Variants in FAM76A observed in about 807,000 individuals in gnomAD.
FAM76A encodes the protein protein FAM76A.
A neutral mutation model predicts 46.2 loss-of-function variants in FAM76A; 32 were observed. That is an observed-to-expected ratio of 0.69 (90% CI 0.52 to 0.93). The LOEUF (loss-of-function observed/expected upper bound fraction) is 0.93. Ranked by LOEUF, FAM76A falls within the 40% of genes least tolerant of loss-of-function variation. FAM76A has a pLI of 0.00. For missense variants in FAM76A, 274 were observed against 361.5 expected, an observed-to-expected ratio of 0.76 and a Z score of 1.96; for synonymous variants, 137 against 127.0, an observed-to-expected ratio of 1.08 and a Z score of -0.53.
intron 2 of FAM76A, among the ~76,000 whole-genome samples, chr1:27,728,838 C>T (rs2087905931): frequency 6.6e-6 from 1 of 152,040 alleles, no homozygotes; most frequent in Admixed American, 6.6e-5. Flanking sequence ...GTGGCACACA[C>T]CTGTAGTCCC....
intron 8 of FAM76A, 81 bp downstream of exon 8, chr1:27,759,708 C>A: frequency 2.2e-6 from 2 of 890,484 alleles, no homozygotes; most frequent in Non-Finnish European, 3.5e-6. Flanking sequence ...AAGTGATCAT[C>A]TCTTAGATTT....
At chr1:27,733,071 T>C (rs577677016) in intron 3 of FAM76A, among the ~76,000 whole-genome samples, 1 of 152,176 alleles carries the variant, frequency 6.6e-6, no homozygotes, top group African/African-American at 2.4e-5. Flanking sequence ...TAGCTGGGAC[T>C]ACAGGCACAT....
At chr1:27,742,887 C>T (rs1349573606) in intron 4 of FAM76A, among the ~76,000 whole-genome samples, 1 of 151,854 alleles carries the variant, frequency 6.6e-6, no homozygotes, top group South Asian at 2.1e-4. Context: ...GGTGAAACTC[C>T]GTCTCTACTA....
intron 4 of FAM76A, chr1:27,740,374 A>G: frequency 1.7e-6 from 2 of 1,208,756 alleles, no homozygotes; most frequent in Non-Finnish European, 2.4e-6. Context: ...ATCACAGTGG[A>G]ACCTGGGTTT....
At chr1:27,733,165 C>T (rs1048043361) in intron 3 of FAM76A, among the ~76,000 whole-genome samples, 1 of 152,186 alleles carries the variant, frequency 6.6e-6, no homozygotes, top group African/African-American at 2.4e-5. Flanking sequence ...CTCCTGAACT[C>T]AAGTGATCTG....
chr1:27,732,940 G>GTT (rs896245252), intron 3 of FAM76A, among the ~76,000 whole-genome samples: 13 of 140,580 alleles, frequency 9.2e-5, no homozygotes, highest in Non-Finnish European at 1.6e-4. Flanking sequence ...TTTTGTTTTT[G>GTT]TTTTTTTTTT....
chr1:27,742,162 C>G (rs1571482438), intron 4 of FAM76A, among the ~76,000 whole-genome samples: 1 of 152,246 alleles, frequency 6.6e-6, no homozygotes, highest in African/African-American at 2.4e-5. Flanking sequence ...TACCCATGTT[C>G]AAGATGAGGC....
intron 2 of FAM76A, among the ~76,000 whole-genome samples, chr1:27,732,265 A>G (rs930609985): frequency 4.6e-5 from 7 of 152,178 alleles, no homozygotes; most frequent in Admixed American, 2.0e-4. Flanking sequence ...CCTTGTCTCT[A>G]TCAAAAATAT....
intron 7 of FAM76A, among the ~76,000 whole-genome samples, chr1:27,757,850 G>A (rs1036082163): frequency 3.8e-4 from 58 of 152,004 alleles, no homozygotes; most frequent in Middle Eastern, 3.4e-3. Flanking sequence ...GGTGGTGGGC[G>A]CCTGTAGTCC....
intron 3 of FAM76A, among the ~76,000 whole-genome samples, chr1:27,732,998 G>A (rs6678533): frequency 0.12 from 18,557 of 151,446 alleles, 2,782 homozygotes; most frequent in African/African-American, 0.35. Flanking sequence ...TGGAATGGCA[G>A]TCAAGTTCAC....
rs1476602648 is a variant in FAM76A, at chr1:27,725,961, G to C, written c.-120G>C. The C allele has an allele frequency of 1.6e-5, 11 of 683,938 alleles. No individual in the cohort carries two copies. The highest frequency in any genetic ancestry group is 2.2e-5 in the Non-Finnish European group (11 of 498,426). 42.4% of individuals were successfully genotyped at this position (683,938 alleles called of 1,614,324 possible). A position where few individuals can be genotyped will look rare whatever the true frequency, so the allele number is the denominator to read the frequency against. ...AGCCCGCCCGGGTCCGCCCCGACCC[G>C]CCTGCGCCCGCCCGCCTGCCGCAGC... On this transcript the variant is annotated 5_prime_UTR_variant, in exon 1 of 9. Transcript: ENST00000373954.
intron 7 of FAM76A, among the ~76,000 whole-genome samples, chr1:27,758,847 CA>C (rs1198309822): frequency 1.3e-5 from 2 of 152,036 alleles, no homozygotes; most frequent in African/African-American, 4.8e-5. Flanking sequence ...GGAGCAAAAG[CA>C]GATTGTTTCC....
intron 8 of FAM76A, 35 bp downstream of exon 8, chr1:27,759,662 G>T (rs752340683): frequency 4.2e-5 from 60 of 1,424,816 alleles, no homozygotes; most frequent in Middle Eastern, 3.5e-4. Flanking sequence ...TGCTAAAATT[G>T]TGTACCTACC....
chr1:27,747,788 C>T (rs1222061965), intron 5 of FAM76A, among the ~76,000 whole-genome samples: 3 of 152,006 alleles, frequency 2.0e-5, no homozygotes, highest in Admixed American at 6.6e-5. Flanking sequence ...TGGTGGCTGG[C>T]GCGCACCTGT....
chr1:27,758,965 C>T (rs2088460591), intron 7 of FAM76A, among the ~76,000 whole-genome samples: 1 of 152,112 alleles, frequency 6.6e-6, no homozygotes, highest in African/African-American at 2.4e-5. Context: ...CATTTATCTG[C>T]CTGTGCCTAT....
chr1:27,732,895 T>TA (rs1222219348), intron 3 of FAM76A, among the ~76,000 whole-genome samples: 2 of 152,116 alleles, frequency 1.3e-5, no homozygotes, highest in Non-Finnish European at 2.9e-5. Flanking sequence ...CAGTGACCAG[T>TA]ATGGAAAGAG....
At chr1:27,756,756 T>C (rs1009328859) in intron 7 of FAM76A, among the ~76,000 whole-genome samples, 1 of 151,896 alleles carries the variant, frequency 6.6e-6, no homozygotes, top group South Asian at 2.1e-4. Flanking sequence ...TTTCAGGTTT[T>C]CTAAATAGTA....
At chr1:27,744,605 C>T (rs776510679) in intron 4 of FAM76A, 49 bp from the exon 5 acceptor site, 4 of 1,597,276 alleles carry the variant, frequency 2.5e-6, no homozygotes, top group Non-Finnish European at 2.6e-6. Context: ...ACGTTTGCAG[C>T]CACTGCGCTA....
chr1:27,759,541 G>T lies in FAM76A; in HGVS notation c.751G>T (p.Ala251Ser). Reference sequence around the variant, plus strand: ...TTTCCCTCAGATTACAGAGTTGAAGGCTGATTTTCAGTACCAGGAATCGCA... The same window carrying T: ...TTTCCCTCAGATTACAGAGTTGAAGTCTGATTTTCAGTACCAGGAATCGCA... Reference protein sequence around the residue: ...EKEKKITELKADFQYQESQMR... With the variant: ...EKEKKITELKSDFQYQESQMR... The change falls in exon 8 of 9, where the codon GCT becomes TCT. Residue 251 changes from alanine to serine, a missense_variant. By Grantham distance (99) the Ala-to-Ser change is moderately conservative. Coordinates refer to ENST00000373954, the MANE Select transcript of FAM76A (RefSeq NM_152660.3). The T allele has an allele frequency of 6.2e-7, 1 of 1,612,586 alleles. No individual in the cohort carries two copies. Among genetic ancestry groups the T allele is most frequent in the Admixed American group, 1.7e-5 (1 of 59,780 alleles).
Sources: allele counts gnomAD v4.1 joint callset (sites outside exome capture counted in the v4.1 genomes callset), GRCh38; gene constraint gnomAD v4.1.1; transcripts MANE v1.5; gene names NCBI Gene and HGNC (gene_info 2026-07-23, HGNC 2026-07-21).